Variants in LYN observed in about 807,000 individuals in gnomAD.
The protein encoded by LYN is LYN proto-oncogene, Src family tyrosine kinase, also known as tyrosine-protein kinase Lyn.
In LYN, 12 loss-of-function variants were observed where a neutral mutation model predicts 65.0. The observed-to-expected ratio is 0.18, with a 90% CI of 0.12 to 0.30. The LOEUF (loss-of-function observed/expected upper bound fraction) is 0.30. Ranked by LOEUF, LYN falls within the 10% of genes least tolerant of loss-of-function variation. The probability of loss-of-function intolerance (pLI) is 1.00; values close to 1 mark genes in which losing one functional copy is unlikely to be tolerated. For missense variants in LYN, 380 were observed against 623.2 expected (o/e 0.61, Z 4.16); for synonymous variants, 222 against 221.2 (o/e 1.00, Z -0.03).
intron 10 of LYN, among the ~76,000 whole-genome samples, chr8:55,985,732 ACT>A (rs1299095098): frequency 6.6e-6 from 1 of 152,100 alleles, no homozygotes; most frequent in Non-Finnish European, 1.5e-5. Context: ...CAAAGAGTAA[ACT>A]CTGCAGGCAA....
intron 8 of LYN, among the ~76,000 whole-genome samples, chr8:55,960,480 C>T (rs1176074150): frequency 1.3e-5 from 2 of 152,154 alleles, no homozygotes; most frequent in Non-Finnish European, 2.9e-5. Flanking sequence ...CGAGCTCCTT[C>T]TTCACTCCTG....
chr8:55,894,406 G>A (rs986142446), intron 1 of LYN, among the ~76,000 whole-genome samples: 1 of 147,394 alleles, frequency 6.8e-6, no homozygotes, highest in Non-Finnish European at 1.5e-5. Context: ...TGGTCACTCT[G>A]TCACCCAAAC....
chr8:55,907,579 A>T (rs1805463794), intron 1 of LYN, among the ~76,000 whole-genome samples: 2 of 152,242 alleles, frequency 1.3e-5, no homozygotes, highest in Non-Finnish European at 2.9e-5. Context: ...GTGGAAAATC[A>T]AACTTAGTTG....
intron 8 of LYN, among the ~76,000 whole-genome samples, chr8:55,962,731 T>A (rs778829034): frequency 3.3e-5 from 5 of 152,356 alleles, no homozygotes; most frequent in Admixed American, 6.5e-5. Flanking sequence ...TTCATGTTAG[T>A]CCATTTTGCT....
At chr8:55,956,455 C>T (rs568786858) in intron 8 of LYN, among the ~76,000 whole-genome samples, 1 of 152,146 alleles carries the variant, frequency 6.6e-6, no homozygotes, top group African/African-American at 2.4e-5. Context: ...ATTTTATCTA[C>T]AGTAATCCAC....
At chr8:55,907,473 G>C (rs561041067) in intron 1 of LYN, among the ~76,000 whole-genome samples, 1 of 152,328 alleles carries the variant, frequency 6.6e-6, no homozygotes, top group South Asian at 2.1e-4. Flanking sequence ...CTCTGTGTCT[G>C]GTTTTGGAAG....
At chr8:55,881,499 C>G (rs78187646) in intron 1 of LYN, among the ~76,000 whole-genome samples, 1,684 of 152,242 alleles carry the variant, frequency 0.011, 24 homozygotes, top group African/African-American at 0.039. Flanking sequence ...TTAGTCCCTC[C>G]ATTCTCATTT....
chr8:55,918,557 C>T (rs1166484589), intron 1 of LYN, among the ~76,000 whole-genome samples: 3 of 152,140 alleles, frequency 2.0e-5, no homozygotes, highest in East Asian at 1.9e-4. Context: ...GATCTAGAAA[C>T]GATTGTTAAG....
At chr8:55,960,131 G>A (rs991462125) in intron 8 of LYN, among the ~76,000 whole-genome samples, 3 of 152,074 alleles carry the variant, frequency 2.0e-5, no homozygotes, top group African/African-American at 2.4e-5. Context: ...AATAACTGAT[G>A]AACTATATAC....
chr8:55,967,077 C>T (rs1807480649), intron 9 of LYN, among the ~76,000 whole-genome samples, 180 bp downstream of exon 9: 1 of 151,724 alleles, frequency 6.6e-6, no homozygotes, highest in Non-Finnish European at 1.5e-5. Context: ...TAATCCATGT[C>T]ACAGAATTGA....
intron 1 of LYN, among the ~76,000 whole-genome samples, chr8:55,925,727 T>C (rs1002141196): frequency 6.6e-6 from 1 of 152,228 alleles, no homozygotes; most frequent in Non-Finnish European, 1.5e-5. Context: ...TCCACAGTTA[T>C]GGCCAGGTTC....
intron 12 of LYN, 59 bp downstream of exon 12, chr8:55,999,608 A>T: frequency 6.6e-7 from 1 of 1,521,164 alleles, no homozygotes; most frequent in South Asian, 1.1e-5. Flanking sequence ...GTCAGGTTGC[A>T]TGAAGGCATT....
At chr8:55,986,761 G>T (rs1808084573) in intron 10 of LYN, among the ~76,000 whole-genome samples, 2 of 152,134 alleles carry the variant, frequency 1.3e-5, no homozygotes, top group Admixed American at 6.5e-5. Context: ...ATCTCTTTCT[G>T]TTGTCCTAGG....
intron 8 of LYN, among the ~76,000 whole-genome samples, chr8:55,961,028 G>A (rs1428862134): frequency 6.6e-6 from 1 of 152,152 alleles, no homozygotes; most frequent in Non-Finnish European, 1.5e-5. Flanking sequence ...CTTGGTCTAT[G>A]AAGAGACCCT....
At chr8:55,997,855 C>A (rs529052677) in intron 10 of LYN, among the ~76,000 whole-genome samples, 10 of 152,228 alleles carry the variant, frequency 6.6e-5, no homozygotes, top group African/African-American at 2.4e-4. Flanking sequence ...GAGGCCAAGG[C>A]GGGCGGATCA....
chr8:55,932,470 G>A (rs976741808), intron 1 of LYN, among the ~76,000 whole-genome samples: 2 of 151,746 alleles, frequency 1.3e-5, no homozygotes, highest in Admixed American at 1.3e-4. Flanking sequence ...TGCCCATCCT[G>A]GAGTACAGTG....
chr8:55,977,885 C>T (rs1807801327), intron 10 of LYN, among the ~76,000 whole-genome samples: 1 of 152,254 alleles, frequency 6.6e-6, no homozygotes, highest in South Asian at 2.1e-4. Context: ...CACCCACCGC[C>T]CTCCAGCCTA....
At chr8:55,953,749 C>A in intron 7 of LYN, 83 bp from the exon 8 acceptor site, 2 of 1,293,624 alleles carry the variant, frequency 1.5e-6, no homozygotes, top group Non-Finnish European at 1.1e-6. Context: ...CACTATAAGG[C>A]TAGTGTTCAA....
At chr8:56,002,181 C>A (rs1047922172) in intron 12 of LYN, among the ~76,000 whole-genome samples, 1 of 151,656 alleles carries the variant, frequency 6.6e-6, no homozygotes, top group African/African-American at 2.4e-5. Flanking sequence ...CTTTGGGAGG[C>A]CCACTTTGTG....
Sources: allele counts gnomAD v4.1 joint callset (sites outside exome capture counted in the v4.1 genomes callset), GRCh38; gene constraint gnomAD v4.1.1; transcripts MANE v1.5; gene names NCBI Gene and HGNC (gene_info 2026-07-23, HGNC 2026-07-21).